FUT9: variants seen among roughly 807,000 people sequenced by gnomAD.
FUT9 encodes the protein fucosyltransferase 9, also known as 4-galactosyl-N-acetylglucosaminide 3-alpha-L-fucosyltransferase 9.
Under a neutral mutation model 29.7 loss-of-function variants are expected in FUT9, and 15 were observed. That is an observed-to-expected ratio of 0.51 (90% CI 0.34 to 0.78). The LOEUF (loss-of-function observed/expected upper bound fraction) is 0.78. Ranked by LOEUF, FUT9 falls within the 30% of genes least tolerant of loss-of-function variation. The pLI is 0.01. For synonymous variants in FUT9, 169 were observed against 153.7 expected (o/e 1.10, Z -0.74); for missense variants, 319 against 425.4 (o/e 0.75, Z 2.20).
chr6:96,047,740 T>A (rs1312207283), intron 1 of FUT9, among the ~76,000 whole-genome samples: 2 of 152,094 alleles, frequency 1.3e-5, no homozygotes, highest in East Asian at 3.9e-4. Flanking sequence ...ATAGGTAATA[T>A]GTGAGAAAAT....
intron 2 of FUT9, among the ~76,000 whole-genome samples, chr6:96,190,086 TTGTAGG>T (rs1173547762): frequency 6.6e-6 from 1 of 152,166 alleles, no homozygotes; most frequent in African/African-American, 2.4e-5. Flanking sequence ...TCAGGAGCTC[TTGTAGG>T]GCAGGCCTGG....
intron 1 of FUT9, among the ~76,000 whole-genome samples, chr6:96,058,521 A>G (rs1232764264): frequency 6.6e-6 from 1 of 150,386 alleles, no homozygotes; most frequent in Non-Finnish European, 1.5e-5. Context: ...GTAATTGAAC[A>G]CTTTGGAAAT....
chr6:96,203,986 T>C lies in FUT9; in HGVS notation c.831T>C (p.Tyr277=), dbSNP rs1036568782. The stretch of plus-strand genomic sequence containing the variant: ...TTCTGGGACCATCTAGGGAAAACTA[T>C]GAGAATTATATTCCAGCAGATTCAT... The part of the protein sequence containing the change: ...PVVLGPSREN[Y]ENYIPADSFI... Residue 277 remains tyrosine, a synonymous_variant, in exon 3 of 3, where the codon TAT becomes TAC. Coordinates refer to ENST00000302103, the MANE Select transcript of FUT9 (RefSeq NM_006581.4). 2 of 1,613,022 alleles carry C rather than the reference T, an allele frequency of 1.2e-6. No homozygotes were observed. The highest frequency in any genetic ancestry group is 1.7e-6 in the Non-Finnish European group (2 of 1,179,732).
chr6:96,111,267 C>A (rs144989402), intron 1 of FUT9, among the ~76,000 whole-genome samples: 2 of 152,172 alleles, frequency 1.3e-5, no homozygotes, highest in African/African-American at 4.8e-5. Flanking sequence ...CTCTACCCCA[C>A]GGCAGGCAGA....
chr6:96,164,060 T>A (rs1397297881), intron 2 of FUT9, among the ~76,000 whole-genome samples: 1 of 152,054 alleles, frequency 6.6e-6, no homozygotes, highest in Non-Finnish European at 1.5e-5. Context: ...AATCAATACA[T>A]GTAAAATGTG....
chr6:96,213,367 A>G lies in FUT9; in HGVS notation c.*9132A>G, dbSNP rs1187224146. ...AATGACTTACATTCAAGGAAGGTCAAAACTATTATTCTGAAACAAAATGTG... is the reference window on the plus strand; with the variant it reads ...AATGACTTACATTCAAGGAAGGTCAGAACTATTATTCTGAAACAAAATGTG... On this transcript the variant is annotated 3_prime_UTR_variant, in exon 3 of 3. Coordinates refer to ENST00000302103, the MANE Select transcript of FUT9 (RefSeq NM_006581.4). The G allele has an allele frequency of 3.0e-5, 5 of 166,856 alleles. No individual in the cohort carries two copies. Among genetic ancestry groups the G allele is most frequent in the African/African-American group, 1.2e-4 (5 of 41,452 alleles). 10.3% of individuals were successfully genotyped at this position (166,856 alleles called of 1,614,324 possible). A position where few individuals can be genotyped will look rare whatever the true frequency, so the allele number is the denominator to read the frequency against.
chr6:96,212,584 A>G lies in FUT9; in HGVS notation c.*8349A>G, dbSNP rs1773959434. ...TCGGGGTTAAGGGAGTAATTGTGAC[A>G]ATATAAAATGGCATTGTTATAGAAT... On this transcript the variant is annotated 3_prime_UTR_variant, in exon 3 of 3. Transcript: ENST00000302103. 3 of 378,602 alleles carry G rather than the reference A, an allele frequency of 7.9e-6. No homozygotes were observed. The highest frequency in any genetic ancestry group is 1.5e-5 in the Non-Finnish European group (3 of 204,678). The allele number at this position is 378,602 out of a possible 1,614,324, so 23.5% of individuals were successfully genotyped here.
rs180693267 is a variant in FUT9, at chr6:96,109,959, T to C, written c.-97-4080T>C. On this transcript the variant is annotated intron_variant, in intron 1 of 2. Coordinates refer to ENST00000302103, the MANE Select transcript of FUT9 (RefSeq NM_006581.4). ...CTACAGGTATACTGGGGTGTTTTTCTTTTTTGTTTGAACATGCAGTGCTTG... is the reference window on the plus strand; with the variant it reads ...CTACAGGTATACTGGGGTGTTTTTCCTTTTTGTTTGAACATGCAGTGCTTG... Among the ~76,000 whole-genome samples, 38 of 152,272 alleles carry C rather than the reference T, an allele frequency of 2.5e-4. No individual in the cohort carries two copies. In the East Asian group the frequency reaches 7.0e-3, roughly 28 times the overall value.
At chr6:96,046,162 T>C (rs1218264869) in intron 1 of FUT9, among the ~76,000 whole-genome samples, 1 of 151,548 alleles carries the variant, frequency 6.6e-6, no homozygotes, top group Non-Finnish European at 1.5e-5. Flanking sequence ...TTTTTTTTTT[T>C]TAACTAGGAC....
chr6:96,046,684 T>C (rs1311430472), intron 1 of FUT9, among the ~76,000 whole-genome samples: 1 of 152,214 alleles, frequency 6.6e-6, no homozygotes, highest in East Asian at 1.9e-4. Flanking sequence ...AGAGAGCCCA[T>C]CTTCTTCACT....
intron 2 of FUT9, among the ~76,000 whole-genome samples, chr6:96,159,316 T>C (rs745503886): frequency 7.2e-5 from 11 of 152,106 alleles, no homozygotes; most frequent in Non-Finnish European, 1.5e-4. Flanking sequence ...GATGCAGGAA[T>C]TGATGTTGAT....
At chr6:96,085,747 TAG>T (rs1771305594) in intron 1 of FUT9, among the ~76,000 whole-genome samples, 1 of 152,132 alleles carries the variant, frequency 6.6e-6, no homozygotes, top group Admixed American at 6.6e-5. Context: ...CCTGGAAATA[TAG>T]AGTTTTTCAG....
chr6:96,163,643 G>T (rs1385555275), intron 2 of FUT9, among the ~76,000 whole-genome samples: 12 of 145,918 alleles, frequency 8.2e-5, no homozygotes, highest in Non-Finnish European at 1.7e-4. Flanking sequence ...CATCTCTGGA[G>T]TCTCACTCAA....
chr6:96,169,947 A>C (rs958898298), intron 2 of FUT9, among the ~76,000 whole-genome samples: 1 of 152,166 alleles, frequency 6.6e-6, no homozygotes, highest in Non-Finnish European at 1.5e-5. Context: ...TGAACAGGTT[A>C]TTTATTTCAC....
intron 2 of FUT9, among the ~76,000 whole-genome samples, chr6:96,196,865 T>C (rs928362807): frequency 9.2e-5 from 14 of 152,072 alleles, no homozygotes; most frequent in Non-Finnish European, 2.9e-5. Flanking sequence ...TCAAATAAGG[T>C]AGGTCAGAAA....
intron 1 of FUT9, among the ~76,000 whole-genome samples, chr6:96,112,185 C>T (rs1771821562): frequency 6.6e-6 from 1 of 152,112 alleles, no homozygotes; most frequent in Non-Finnish European, 1.5e-5. Context: ...CTACCAATAC[C>T]TCCCAGCTTC....
chr6:96,057,985 G>T (rs1770803219), intron 1 of FUT9, among the ~76,000 whole-genome samples: 1 of 152,002 alleles, frequency 6.6e-6, no homozygotes, highest in Non-Finnish European at 1.5e-5. Flanking sequence ...TTTAAAATCT[G>T]TAAATTCAAA....
At chr6:96,147,183 A>C (rs1482947401) in intron 2 of FUT9, among the ~76,000 whole-genome samples, 1 of 144,218 alleles carries the variant, frequency 6.9e-6, no homozygotes, top group Non-Finnish European at 1.5e-5. Context: ...TTTTCTTGAG[A>C]TGGAGTCTCA....
intron 2 of FUT9, among the ~76,000 whole-genome samples, chr6:96,187,501 C>A (rs1023320435): frequency 6.6e-6 from 1 of 151,998 alleles, no homozygotes; most frequent in African/African-American, 2.4e-5. Context: ...GACTGTAATT[C>A]CTAGAAAAGT....
Sources: allele counts gnomAD v4.1 joint callset (sites outside exome capture counted in the v4.1 genomes callset), GRCh38; gene constraint gnomAD v4.1.1; transcripts MANE v1.5; gene names NCBI Gene and HGNC (gene_info 2026-07-23, HGNC 2026-07-21).